Variants in ENOSF1 observed in about 807,000 individuals in gnomAD.
The protein encoded by ENOSF1 is enolase superfamily member 1.
A neutral mutation model predicts 68.2 loss-of-function variants in ENOSF1; 73 were observed. The ratio of observed to expected loss-of-function variants is 1.07; its 90% CI spans 0.89 to 1.30. The LOEUF (loss-of-function observed/expected upper bound fraction) is 1.30, where lower values mean the gene tolerates loss of function less well. Among genes scored for constraint, ENOSF1 ranks in the 50% most tolerant of loss-of-function variants. The pLI is 0.00. For synonymous variants in ENOSF1, 223 were observed against 210.4 expected (o/e 1.06, Z -0.52); for missense variants, 589 against 554.5 (o/e 1.06, Z -0.62).
intron 9 of ENOSF1, chr18:686,268 T>C (rs1486442625): frequency 4.6e-6 from 2 of 430,982 alleles, no homozygotes; most frequent in Non-Finnish European, 8.3e-6. Context: ...AGGTCTTTAA[T>C]ATAATTAACT....
At chr18:700,999 G>A (rs1480425656) in intron 2 of ENOSF1, among the ~76,000 whole-genome samples, 4 of 151,326 alleles carry the variant, frequency 2.6e-5, no homozygotes, top group African/African-American at 4.9e-5. Context: ...AACTAAACCC[G>A]GGGGGTTTTC....
chr18:688,675 T>C (rs371781786), intron 8 of ENOSF1, 67 bp from the exon 9 acceptor site: 15 of 1,397,488 alleles, frequency 1.1e-5, no homozygotes, highest in South Asian at 6.9e-5. Flanking sequence ...AAGTCAGTCA[T>C]TGCTGATCTG....
Position 671,363 on chromosome 18 carries a change from C to T in ENOSF1, c.*2942G>A, listed in dbSNP as rs770525244. ...TGAAACTAACATACTGTTCTGCTTT[C>T]TCCCCCGGGTTTATAGCCAGGTGAC... On this transcript the variant is annotated 3_prime_UTR_variant, in exon 16 of 16. Transcript: ENST00000647584. 3 of 1,562,984 alleles carry T rather than the reference C, an allele frequency of 1.9e-6. No homozygotes were observed. Among genetic ancestry groups the T allele is most frequent in the East Asian group, 2.2e-5 (1 of 44,648 alleles).
intron 2 of ENOSF1, among the ~76,000 whole-genome samples, chr18:698,752 C>T (rs2078010600): frequency 2.6e-5 from 4 of 152,086 alleles, no homozygotes; most frequent in Admixed American, 2.0e-4. Context: ...TCCTGAGTAG[C>T]TGAGACCACA....
At chr18:690,811 G>T (rs1472971597) in intron 7 of ENOSF1, 180 bp from the exon 8 acceptor site, 1 of 1,457,764 alleles carries the variant, frequency 6.9e-7, no homozygotes, top group Admixed American at 2.4e-5. Flanking sequence ...ATACTCTCAC[G>T]GACTGCCCTG....
At chr18:666,999 AGATGGT>A (rs1176133296), downstream of ENOSF1, among the ~76,000 whole-genome samples, 1 of 6,720 alleles carries the variant, frequency 1.5e-4, no homozygotes. Context: ...ATGGTGATGG[AGATGGT>A]GATGGTGATG....
At chr18:685,751 A>G (rs1041215305) in intron 10 of ENOSF1, among the ~76,000 whole-genome samples, 170 bp downstream of exon 10, 1 of 152,212 alleles carries the variant, frequency 6.6e-6, no homozygotes, top group Non-Finnish European at 1.5e-5. Flanking sequence ...ACGTAAAACT[A>G]TTAGTCCCTT....
At chr18:691,622 CAG>C (rs2145044465) in intron 5 of ENOSF1, 2 of 216,772 alleles carry the variant, frequency 9.2e-6, no homozygotes, top group South Asian at 9.2e-5. Context: ...GCTGGGATGA[CAG>C]GGGTGGGTTA....
chr18:690,985 C>T, intron 7 of ENOSF1, 83 bp downstream of exon 7: 1 of 1,473,722 alleles, frequency 6.8e-7, no homozygotes, highest in Non-Finnish European at 9.5e-7. Flanking sequence ...TTTGGGAAGA[C>T]AATGTGTACC....
At chr18:694,097 GC>G in intron 4 of ENOSF1, 150 bp downstream of exon 4, 1 of 1,040,932 alleles carries the variant, frequency 9.6e-7, no homozygotes, top group Non-Finnish European at 1.4e-6. Context: ...CCTACCTACT[GC>G]CAAAACCTCT....
chr18:711,924 C>G (rs2079596191), intron 1 of ENOSF1, among the ~76,000 whole-genome samples: 1 of 152,144 alleles, frequency 6.6e-6, no homozygotes, highest in Non-Finnish European at 1.5e-5. Context: ...TTCTCCAAGT[C>G]ACACAGCAAG....
downstream of ENOSF1, among the ~76,000 whole-genome samples, chr18:667,352 T>A (rs865786593): frequency 3.8e-5 from 1 of 26,404 alleles, no homozygotes; most frequent in Non-Finnish European, 6.5e-5. Context: ...ATGGAGATGG[T>A]GATGGTGATG....
At chr18:697,937 G>A (rs2077919597) in intron 2 of ENOSF1, among the ~76,000 whole-genome samples, 1 of 152,156 alleles carries the variant, frequency 6.6e-6, no homozygotes, top group African/African-American at 2.4e-5. Context: ...AGGATTACAG[G>A]CATGTGCCGC....
downstream of ENOSF1, among the ~76,000 whole-genome samples, chr18:669,852 C>T (rs929287624): frequency 3.3e-5 from 5 of 151,810 alleles, no homozygotes; most frequent in Non-Finnish European, 5.9e-5. Context: ...ATTCCAACAA[C>T]TCCAGAGGCC....
At chr18:695,724 CG>C (rs2077641730) in intron 3 of ENOSF1, among the ~76,000 whole-genome samples, 1 of 152,094 alleles carries the variant, frequency 6.6e-6, no homozygotes, top group Admixed American at 6.6e-5. Context: ...GGATTATAGG[CG>C]TGAGCTACTG....
chr18:709,926 A>G (rs1451095428), intron 1 of ENOSF1, among the ~76,000 whole-genome samples: 1 of 152,194 alleles, frequency 6.6e-6, no homozygotes, highest in Admixed American at 6.5e-5. Context: ...GTGAACTGCA[A>G]AACAGCTCAT....
chr18:672,640 TG>T lies in ENOSF1; in HGVS notation c.*1664del, dbSNP rs1347178925. The T allele has an allele frequency of 7.6e-6, 3 of 396,484 alleles. No homozygotes were observed. Among genetic ancestry groups the T allele is most frequent in the Non-Finnish European group, 1.4e-5 (3 of 222,002 alleles). 24.6% of individuals were successfully genotyped at this position (396,484 alleles called of 1,614,324 possible). ...ATGAGGCACCAGGCTCCTGATGCTG[TG>T]TAATGTCACAAAATACCCCTCACTC... On this transcript the variant is annotated 3_prime_UTR_variant, in exon 16 of 16. Transcript: ENST00000647584.
At chr18:692,647 G>C (rs1175758307) in intron 5 of ENOSF1, 1 of 857,370 alleles carries the variant, frequency 1.2e-6, no homozygotes, top group Non-Finnish European at 1.4e-6. Flanking sequence ...AAGAGTACTG[G>C]CATTGAAAGG....
At chr18:695,030 G>A (rs2612081) in intron 3 of ENOSF1, among the ~76,000 whole-genome samples, 34,754 of 152,026 alleles carry the variant, frequency 0.23, 4,167 homozygotes, top group Admixed American at 0.28. Context: ...GAATATTGCT[G>A]TCTAAAGGCC....
Sources: gnomAD v4.1 joint callset for allele counts (sites outside exome capture counted in the v4.1 genomes callset) on GRCh38, gnomAD v4.1.1 for gene constraint, MANE v1.5 for transcripts, NCBI Gene and HGNC (gene_info 2026-07-23, HGNC 2026-07-21) for gene names.